Variants in HDAC9 observed in about 807,000 individuals in gnomAD.
HDAC9 encodes the protein MEF-2 interacting transcription repressor (MITR) protein.
Under a neutral mutation model 139.4 loss-of-function variants are expected in HDAC9, and 41 were observed. The observed-to-expected ratio is 0.29, with a 90% confidence interval of 0.23 to 0.38. The LOEUF (loss-of-function observed/expected upper bound fraction) is 0.38. HDAC9 is among the 10% of genes least tolerant of loss of function. HDAC9 has a pLI of 1.00. For missense variants in HDAC9, 1,147 were observed against 1,297.0 expected, an observed-to-expected ratio of 0.88 and a Z score of 1.78; for synonymous variants, 517 against 476.2, an observed-to-expected ratio of 1.09 and a Z score of -1.12.
intron 1 of HDAC9, among the ~76,000 whole-genome samples, chr7:18,098,537 T>C (rs1194746954): frequency 1.3e-5 from 2 of 152,194 alleles, no homozygotes; most frequent in Non-Finnish European, 2.9e-5. Flanking sequence ...TTTTTTAGTC[T>C]AGCTTAGTAG....
At chr7:18,936,223 T>C (rs10252814) in intron 23 of HDAC9, among the ~76,000 whole-genome samples, 137 of 152,262 alleles carry the variant, frequency 9.0e-4, no homozygotes, top group Middle Eastern at 3.4e-3. Context: ...TACGGAAACA[T>C]TGAATAAGAA....
At chr7:18,244,994 CATCT>C (rs1554342548) in intron 2 of HDAC9, among the ~76,000 whole-genome samples, 2 of 147,960 alleles carry the variant, frequency 1.4e-5, no homozygotes, top group African/African-American at 2.5e-5. Context: ...ATCTAATCTG[CATCT>C]ATCTATCTAT....
intron 2 of HDAC9, among the ~76,000 whole-genome samples, chr7:18,257,284 C>G (rs745605981): frequency 3.8e-4 from 22 of 57,608 alleles, no homozygotes; most frequent in Non-Finnish European, 7.9e-4. Flanking sequence ...ATCGCTTGAG[C>G]TCAGGAGGTG....
chr7:18,994,787 A>G lies in HDAC9; in HGVS notation c.3171-1236A>G, dbSNP rs145474399. Among the ~76,000 whole-genome samples, 42 of 152,302 alleles carry G rather than the reference A, an allele frequency of 2.8e-4. 2 individuals are homozygous for G. In the East Asian group the frequency reaches 7.5e-3, roughly 27 times the overall value. ...ATAAATCTGTAAAATAACATGGCCA[A>G]ACATTTCATTTGTTTGCATAAACAG... On this transcript the variant is annotated intron_variant, in intron 25 of 25. Transcript: ENST00000686413.
chr7:18,487,393 G>T (rs1026817135), intron 1 of HDAC9, among the ~76,000 whole-genome samples: 15 of 152,044 alleles, frequency 9.9e-5, no homozygotes, highest in Non-Finnish European at 1.9e-4. Flanking sequence ...CAGGAATTGT[G>T]TCTGTTGCAT....
At chr7:18,482,704 C>A (rs1364259764) in intron 1 of HDAC9, among the ~76,000 whole-genome samples, 1 of 152,030 alleles carries the variant, frequency 6.6e-6, no homozygotes, top group Non-Finnish European at 1.5e-5. Context: ...AATCACAGAG[C>A]ATAACTTTTC....
At chr7:18,714,725 T>A (rs1049810026) in intron 12 of HDAC9, among the ~76,000 whole-genome samples, 1 of 152,218 alleles carries the variant, frequency 6.6e-6, no homozygotes, top group East Asian at 1.9e-4. Context: ...CCTGTACTAC[T>A]CTTCATAACT....
rs1363669424 is a variant in HDAC9 at position 18,647,974 on chromosome 7, C to A, written c.1225C>A (p.Arg409=). The A allele has an allele frequency of 3.7e-6, 6 of 1,610,432 alleles. No homozygotes were observed. Among genetic ancestry groups the A allele is most frequent in the Non-Finnish European group, 5.1e-6 (6 of 1,178,258 alleles). The part of the protein sequence containing the change: ...LQHLLLKEQM[R]QQKLLVAGGV... ...GCATTTATTATTGAAAGAACAAATG[C>A]GACAGCAAAAGCTTCTTGTAGCTGG... is the stretch of plus-strand genomic sequence containing the variant. The change falls in exon 10 of 26, where the codon CGA becomes AGA. Residue 409 remains arginine (R), a synonymous_variant. Coordinates refer to ENST00000686413, the MANE Select transcript of HDAC9 (RefSeq NM_178425.4).
chr7:18,272,999 T>C (rs540508648), intron 2 of HDAC9, among the ~76,000 whole-genome samples: 40 of 148,796 alleles, frequency 2.7e-4, no homozygotes, highest in East Asian at 3.9e-4. Flanking sequence ...CCTCCTCCTC[T>C]TCTTCTTCTT....
chr7:18,878,409 C>G (rs996068368), intron 22 of HDAC9, among the ~76,000 whole-genome samples: 2 of 152,054 alleles, frequency 1.3e-5, no homozygotes, highest in African/African-American at 4.8e-5. Context: ...AAAGTATGTT[C>G]CTTTTATAAA....
chr7:18,859,842 A>ATGTGTGTGTGTGTGTG (rs1562997054), intron 21 of HDAC9, among the ~76,000 whole-genome samples: 7 of 129,558 alleles, frequency 5.4e-5, no homozygotes, highest in South Asian at 2.6e-4. Flanking sequence ...ATATATATAT[A>ATGTGTGTGTGTGTGTG]TATATATATA....
At chr7:18,722,631 G>A (rs903513782) in intron 12 of HDAC9, among the ~76,000 whole-genome samples, 1 of 152,100 alleles carries the variant, frequency 6.6e-6, no homozygotes, top group Non-Finnish European at 1.5e-5. Context: ...TAATGAGGCT[G>A]GGTATCTATC....
At chr7:18,972,633 A>C (rs1263704309) in intron 24 of HDAC9, among the ~76,000 whole-genome samples, 1 of 151,914 alleles carries the variant, frequency 6.6e-6, no homozygotes, top group East Asian at 1.9e-4. Flanking sequence ...CACCCCCTTC[A>C]GCCTCCCAAA....
At chr7:18,688,959 T>A (rs1328700298) in intron 12 of HDAC9, among the ~76,000 whole-genome samples, 1 of 151,982 alleles carries the variant, frequency 6.6e-6, no homozygotes, top group Non-Finnish European at 1.5e-5. Context: ...AAAGACAGTT[T>A]AACTTAATGG....
At chr7:18,141,898 A>G (rs1052545696) in intron 1 of HDAC9, among the ~76,000 whole-genome samples, 1 of 152,194 alleles carries the variant, frequency 6.6e-6, no homozygotes, top group Non-Finnish European at 1.5e-5. Context: ...GAAATATTTT[A>G]GGGAAAGCAG....
intron 6 of HDAC9, among the ~76,000 whole-genome samples, chr7:18,620,964 A>G (rs1036137297): frequency 2.0e-5 from 3 of 152,210 alleles, no homozygotes; most frequent in Non-Finnish European, 4.4e-5. Flanking sequence ...AATGATGTAC[A>G]TAACAGTGCT....
intron 6 of HDAC9, among the ~76,000 whole-genome samples, chr7:18,620,252 A>C (rs1839849809): frequency 6.6e-6 from 1 of 152,164 alleles, no homozygotes; most frequent in Non-Finnish European, 1.5e-5. Flanking sequence ...TGTTAATCGA[A>C]TGTAATTAAA....
intron 17 of HDAC9, among the ~76,000 whole-genome samples, chr7:18,798,087 G>C (rs1191820685): frequency 6.6e-6 from 1 of 151,384 alleles, no homozygotes; most frequent in African/African-American, 2.4e-5. Flanking sequence ...CCAGGTTTTT[G>C]CTTTTTTGAA....
chr7:18,330,812 A>G (rs763433535), intron 1 of HDAC9, among the ~76,000 whole-genome samples: 14 of 151,714 alleles, frequency 9.2e-5, no homozygotes, highest in Non-Finnish European at 2.1e-4. Flanking sequence ...ACAAGCTTAG[A>G]ATCTACAAAA....
Sources: allele counts gnomAD v4.1 joint callset (sites outside exome capture counted in the v4.1 genomes callset), GRCh38; gene constraint gnomAD v4.1.1; transcripts MANE v1.5; gene names NCBI Gene and HGNC (gene_info 2026-07-23, HGNC 2026-07-21).